ABCC12: variants seen among roughly 807,000 people sequenced by gnomAD.
ABCC12 encodes ATP-binding cassette sub-family C member 12.
ABCC12 carries 142 observed loss-of-function variants against 151.1 expected under a neutral mutation model. That is an observed-to-expected ratio of 0.94 (90% confidence interval 0.82 to 1.08). The LOEUF is 1.08. ABCC12 is among the 50% of genes least tolerant of loss of function. ABCC12 has a pLI of 0.00. For missense variants in ABCC12, 1,638 were observed against 1,691.1 expected, an observed-to-expected ratio of 0.97 and a Z score of 0.55; for synonymous variants, 645 against 646.4, an observed-to-expected ratio of 1.00 and a Z score of 0.03.
intron 22 of ABCC12, 72 bp from the exon 23 acceptor site, chr16:48,101,081 G>A (rs1963291891): frequency 1.3e-6 from 2 of 1,545,828 alleles, no homozygotes; most frequent in Non-Finnish European, 1.8e-6. Context: ...CACACATACA[G>A]AGCCAACTAG....
chr16:48,143,822 T>C (rs769448354), intron 4 of ABCC12, 88 bp downstream of exon 4: 4 of 1,492,996 alleles, frequency 2.7e-6, no homozygotes, highest in Non-Finnish European at 3.6e-6. Flanking sequence ...ATTAAACCTC[T>C]TTTTCTTTAT....
chr16:48,104,230 C>A lies in ABCC12; in HGVS notation c.2812G>T (p.Val938Leu). The change falls in exon 22 of 31, where the codon GTG (valine) becomes TTG (leucine). Residue 938 changes from valine to leucine, a missense_variant. Transcript: ENST00000311303. The stretch of plus-strand genomic sequence containing the variant: ...GCAGCCAAGATCACGAGAATAAACA[C>A]CACCATAAAAAACTGCTGCAGAAAG... ...ENFLQQFFMVVFILVILAAVF... is the reference protein window; with the variant it reads ...ENFLQQFFMVLFILVILAAVF... 6.2e-7 allele frequency: 1 copy of A among 1,614,220 alleles called. No homozygotes were observed. Among genetic ancestry groups the A allele is most frequent in the Non-Finnish European group, 8.5e-7 (1 of 1,180,048 alleles).
chr16:48,128,647 A>G lies in ABCC12; in HGVS notation c.1327T>C (p.Trp443Arg). 6.2e-7 allele frequency: 1 copy of G among 1,614,044 alleles called. No homozygotes were observed. Residue 443 changes from tryptophan to arginine, a missense_variant, in exon 11 of 31, where the codon TGG becomes CGG. Physicochemically the swap from Trp to Arg is moderately radical, Grantham distance 101 (BLOSUM62 -3). Transcript: ENST00000311303. The part of the protein sequence containing the change: ...VLLLANATLT[W>R]EHEASRKSTP... Reference sequence around the variant, plus strand: ...CTTTTCCTGCTGGCTTCATGCTCCCATGTCAAGGTGGCATTTGCTAAAAGC... The same window carrying G: ...CTTTTCCTGCTGGCTTCATGCTCCCGTGTCAAGGTGGCATTTGCTAAAAGC...
At chr16:48,131,311 G>A (rs1964417566) in intron 9 of ABCC12, among the ~76,000 whole-genome samples, 1 of 152,198 alleles carries the variant, frequency 6.6e-6, no homozygotes, top group African/African-American at 2.4e-5. Context: ...ACCCTTTAGA[G>A]TTAGACTACA....
At chr16:48,087,047 C>T in intron 27 of ABCC12, 1 of 471,524 alleles carries the variant, frequency 2.1e-6, no homozygotes, top group East Asian at 3.5e-5. Flanking sequence ...CTGAGGCAGG[C>T]AATGACAGGT....
Position 48,146,406 on chromosome 16 carries a change from A to G in ABCC12, c.19T>C (p.Tyr7His), listed in dbSNP as rs973597060. Residue 7 changes from tyrosine to histidine, a missense_variant, in exon 3 of 31, where the codon TAC becomes CAC. Transcript: ENST00000311303. ...CGCTGGTCCAGATCTGAGATAAGGT[A>G]GGGTCCTTCACCCACCATCCTGATG... MVGEGP[Y>H]LISDLDQRGR... The G allele has an allele frequency of 6.2e-7, 1 of 1,614,192 alleles. No individual in the cohort carries two copies. The highest frequency in any genetic ancestry group is 8.5e-7 in the Non-Finnish European group (1 of 1,180,028).
At chr16:48,140,953 C>A in intron 5 of ABCC12, 33 bp from the exon 6 acceptor site, 1 of 1,588,452 alleles carries the variant, frequency 6.3e-7, no homozygotes, top group Non-Finnish European at 8.6e-7. Context: ...GAAGAGAGGG[C>A]CACTGAGGGC....
Position 48,121,696 on chromosome 16 carries a change from G to A in ABCC12, c.1712+20C>T, listed in dbSNP as rs763473098. ...TGTACCAAACACAAATGTGCCTCCT[G>A]CTTTAAAAGTTAATATTACCTTTGG... is the stretch of plus-strand genomic sequence containing the variant. On this transcript the variant is annotated intron_variant, in intron 13 of 30. Transcript: ENST00000311303. 3.1e-6 allele frequency: 5 copies of A among 1,613,804 alleles called. No individual in the cohort carries two copies. The South Asian group carries it at 4.4e-5, about 14-fold the overall frequency.
chr16:48,151,142 G>A (rs773254322), intron 2 of ABCC12, among the ~76,000 whole-genome samples: 4 of 152,172 alleles, frequency 2.6e-5, no homozygotes, highest in Non-Finnish European at 5.9e-5. Flanking sequence ...CCTCAGCCAG[G>A]TAATCAAGGT....
chr16:48,143,909 C>A lies in ABCC12; in HGVS notation c.275+1G>T. On this transcript the variant is annotated splice_donor_variant, in intron 4 of 30. Transcript: ENST00000311303. LOFTEE classifies it high-confidence loss of function. ...ACAGTGACCCAAGCAAATCCTGGTACCTTTTGGCATTGGTGTCAGATGAGT... is the reference window on the plus strand; with the variant it reads ...ACAGTGACCCAAGCAAATCCTGGTAACTTTTGGCATTGGTGTCAGATGAGT... 1 of 1,612,728 alleles carries A rather than the reference C, an allele frequency of 6.2e-7. No individual in the cohort carries two copies. Among genetic ancestry groups the A allele is most frequent in the Non-Finnish European group, 8.5e-7 (1 of 1,179,174 alleles).
intron 23 of ABCC12, among the ~76,000 whole-genome samples, chr16:48,097,228 G>A (rs780651386): frequency 7.9e-5 from 12 of 152,024 alleles, no homozygotes; most frequent in Non-Finnish European, 1.5e-4. Flanking sequence ...AAGAGGTGCC[G>A]AGTGCTTCAC....
In ABCC12 at chr16:48,085,637, G is replaced by C; in HGVS notation, c.3784C>G (p.Arg1262Gly). Residue 1262 changes from arginine (R) to glycine (G), a missense_variant, in exon 29 of 31, where the codon CGT (arginine) becomes GGT (glycine). Coordinates refer to ENST00000311303, the MANE Select transcript of ABCC12 (RefSeq NM_001393797.1). ...ENGENFSVGE[R>G]QLLCVARALL... ...GCTCGGGCCACACAAAGCAGCTGAC[G>C]TTCCCCTACTGAGAAGTTTTCTCCA... The C allele has an allele frequency of 6.2e-7, 1 of 1,614,100 alleles. No individual in the cohort carries two copies. Among genetic ancestry groups the C allele is most frequent in the East Asian group, 2.2e-5 (1 of 44,876 alleles).
chr16:48,127,291 C>T (rs1265850641), intron 11 of ABCC12, among the ~76,000 whole-genome samples: 1 of 152,158 alleles, frequency 6.6e-6, no homozygotes, highest in Non-Finnish European at 1.5e-5. Flanking sequence ...ATCAACACTG[C>T]CACCCTGGGA....
intron 13 of ABCC12, among the ~76,000 whole-genome samples, chr16:48,119,378 A>C (rs1036407888): frequency 6.6e-6 from 1 of 152,180 alleles, no homozygotes; most frequent in Non-Finnish European, 1.5e-5. Context: ...CTCTTTCCCC[A>C]TGTGCCCTGC....
At chr16:48,141,159 C>G in intron 5 of ABCC12, 47 bp downstream of exon 5, 1 of 1,599,304 alleles carries the variant, frequency 6.3e-7, no homozygotes, top group Non-Finnish European at 8.5e-7. Flanking sequence ...ACATTCTTTG[C>G]TAGGCTGGGG....
chr16:48,082,362 C>T lies in ABCC12; in HGVS notation c.*1353G>A, dbSNP rs947460893. On this transcript the variant is annotated 3_prime_UTR_variant, in exon 31 of 31. Coordinates refer to ENST00000311303, the MANE Select transcript of ABCC12 (RefSeq NM_001393797.1). ...GGCCGGAGGAGGGCTGGAGAATAAT[C>T]GGTTGGAGGTTAACCTCACATGCCC... Among the ~76,000 whole-genome samples, 14 of 152,200 alleles carry T rather than the reference C, an allele frequency of 9.2e-5. No individual in the cohort carries two copies. The highest frequency in any genetic ancestry group is 8.5e-4 in the Admixed American group (13 of 15,276).
intron 4 of ABCC12, among the ~76,000 whole-genome samples, chr16:48,142,166 G>T (rs1297705766): frequency 1.3e-5 from 2 of 151,864 alleles, no homozygotes; most frequent in Admixed American, 1.3e-4. Context: ...AAAAGCAGAA[G>T]AGGAGAGGAA....
At chr16:48,087,546 CTATT>C (rs1962671051) in intron 27 of ABCC12, 2 of 172,412 alleles carry the variant, frequency 1.2e-5, no homozygotes, top group Non-Finnish European at 2.5e-5. Context: ...CACGGGGTAA[CTATT>C]TATTTTATTG....
intron 23 of ABCC12, among the ~76,000 whole-genome samples, chr16:48,099,172 C>T (rs1400530228): frequency 6.6e-6 from 1 of 152,120 alleles, no homozygotes; most frequent in Non-Finnish European, 1.5e-5. Flanking sequence ...AATCCCCGCA[C>T]TCTTGGAGGC....
Sources: allele counts gnomAD v4.1 joint callset (sites outside exome capture counted in the v4.1 genomes callset), GRCh38; gene constraint gnomAD v4.1.1; transcripts MANE v1.5; gene names NCBI Gene and HGNC (gene_info 2026-07-23, HGNC 2026-07-21).